The following WDR72 variants were observed in gnomAD, a reference collection of about 807,000 sequenced individuals.
The protein encoded by WDR72 is WD repeat-containing protein 72.
A neutral mutation model predicts 124.2 loss-of-function variants in WDR72; 120 were observed. The observed-to-expected ratio is 0.97, with a 90% confidence interval of 0.83 to 1.12. The LOEUF (loss-of-function observed/expected upper bound fraction) is 1.12, where lower values mean the gene tolerates loss of function less well. Among genes scored for constraint, WDR72 ranks in the 50% most tolerant of loss-of-function variants. The pLI is 0.00. For synonymous variants in WDR72, 452 were observed against 441.7 expected (o/e 1.02, Z -0.29); for missense variants, 1,387 against 1,278.8 (o/e 1.08, Z -1.29).
intron 14 of WDR72, among the ~76,000 whole-genome samples, chr15:53,622,375 C>A (rs1246858922): frequency 6.6e-6 from 1 of 151,994 alleles, no homozygotes; most frequent in East Asian, 1.9e-4. Flanking sequence ...TGGAATCAAC[C>A]CAAAAGCCCA....
chr15:53,665,773 A>G lies in WDR72; in HGVS notation c.1766-5T>C, dbSNP rs2015758361. 6.2e-7 allele frequency: 1 copy of G among 1,613,468 alleles called. No homozygotes were observed. The highest frequency in any genetic ancestry group is 8.5e-7 in the Non-Finnish European group (1 of 1,179,688). On this transcript the variant is annotated splice_polypyrimidine_tract_variant and splice_region_variant and intron_variant, in intron 13 of 19. Coordinates refer to ENST00000360509, the MANE Select transcript of WDR72 (RefSeq NM_182758.4). ...TCTCATGTCTTTCCAAAGTGCCTGGAAAACAAGATTAGAGGTAAAAATGTC... is the reference window on the plus strand; with the variant it reads ...TCTCATGTCTTTCCAAAGTGCCTGGGAAACAAGATTAGAGGTAAAAATGTC...
intron 17 of WDR72, among the ~76,000 whole-genome samples, chr15:53,599,505 T>G (rs1031315056): frequency 6.6e-6 from 1 of 152,088 alleles, no homozygotes; most frequent in Non-Finnish European, 1.5e-5. Flanking sequence ...TGACAGAAAT[T>G]AGGATAAGAG....
chr15:53,752,654 C>A (rs572107393), intron 1 of WDR72, among the ~76,000 whole-genome samples: 1 of 152,286 alleles, frequency 6.6e-6, no homozygotes, highest in South Asian at 2.1e-4. Flanking sequence ...GTAAGTCACC[C>A]AGTGGGTGGT....
At chr15:53,728,543 T>C (rs2018109925) in intron 2 of WDR72, among the ~76,000 whole-genome samples, 1 of 152,178 alleles carries the variant, frequency 6.6e-6, no homozygotes, top group African/African-American at 2.4e-5. Context: ...TTGGTAAATA[T>C]CAGGGCTGGC....
intron 18 of WDR72, among the ~76,000 whole-genome samples, chr15:53,566,922 C>A (rs1894320187): frequency 6.6e-6 from 1 of 151,908 alleles, no homozygotes; most frequent in African/African-American, 2.4e-5. Flanking sequence ...AGTCCTGGGG[C>A]AAATAGCTTT....
intron 14 of WDR72, 149 bp downstream of exon 14, chr15:53,665,423 C>G (rs988520342): frequency 3.5e-6 from 3 of 861,994 alleles, no homozygotes; most frequent in Non-Finnish European, 3.7e-6. Context: ...AAAAGTTATA[C>G]TGATTCACCC....
At chr15:53,518,296 T>C (rs2140196497) in intron 19 of WDR72, among the ~76,000 whole-genome samples, 1 of 152,206 alleles carries the variant, frequency 6.6e-6, no homozygotes, top group Admixed American at 6.6e-5. Context: ...ACCAAACTAA[T>C]TGGAACATTG....
chr15:53,521,718 T>C (rs537639072), intron 19 of WDR72, among the ~76,000 whole-genome samples: 4 of 152,026 alleles, frequency 2.6e-5, no homozygotes, highest in Non-Finnish European at 5.9e-5. Flanking sequence ...TCTATTCTTA[T>C]CAAAAACAAT....
chr15:53,586,864 A>T (rs879858063), intron 18 of WDR72, among the ~76,000 whole-genome samples: 5 of 152,056 alleles, frequency 3.3e-5, no homozygotes, highest in Non-Finnish European at 7.4e-5. Flanking sequence ...GAACTTCTTG[A>T]GTTAGTGTGA....
At chr15:53,732,272 G>T (rs2018223780) in intron 2 of WDR72, among the ~76,000 whole-genome samples, 1 of 152,150 alleles carries the variant, frequency 6.6e-6, no homozygotes, top group African/African-American at 2.4e-5. Context: ...AACTTTAAAG[G>T]CTAAAAATAG....
intron 18 of WDR72, among the ~76,000 whole-genome samples, chr15:53,534,438 T>A (rs1303471772): frequency 1.3e-5 from 2 of 152,162 alleles, no homozygotes; most frequent in Non-Finnish European, 2.9e-5. Context: ...ATTCACTGAT[T>A]TCCACTCCCT....
intron 18 of WDR72, among the ~76,000 whole-genome samples, chr15:53,594,830 C>T (rs8040311): frequency 2.0e-5 from 3 of 147,700 alleles, no homozygotes; most frequent in African/African-American, 7.5e-5. Context: ...GCACTACATG[C>T]CACTGTAATG....
chr15:53,533,815 A>G (rs1335430668), intron 18 of WDR72, among the ~76,000 whole-genome samples: 1 of 152,160 alleles, frequency 6.6e-6, no homozygotes, highest in Non-Finnish European at 1.5e-5. Flanking sequence ...TATCTCAAAT[A>G]CTTTTTATTG....
intron 17 of WDR72, among the ~76,000 whole-genome samples, chr15:53,606,152 C>A (rs779221830): frequency 2.0e-5 from 3 of 152,028 alleles, no homozygotes; most frequent in Non-Finnish European, 4.4e-5. Context: ...CCAAACATGC[C>A]CAAATGACAT....
chr15:53,682,995 G>A lies in WDR72; in HGVS notation c.1765+16755C>T, dbSNP rs78991149. Among the ~76,000 whole-genome samples the A allele has an allele frequency of 6.2e-4, 95 of 152,270 alleles. 2 individuals carry two copies. In the East Asian group the frequency reaches 0.014, roughly 22 times the overall value. On this transcript the variant is annotated intron_variant, in intron 13 of 19. Coordinates refer to ENST00000360509, the MANE Select transcript of WDR72 (RefSeq NM_182758.4). ...ACTTACAGTTATGGCAAAAGGTGAAGGGGAAACAAGGGATGCCTTACACAG... is the reference window on the plus strand; with the variant it reads ...ACTTACAGTTATGGCAAAAGGTGAAAGGGAAACAAGGGATGCCTTACACAG...
At chr15:53,634,592 G>A (rs1055992074) in intron 14 of WDR72, among the ~76,000 whole-genome samples, 1 of 152,190 alleles carries the variant, frequency 6.6e-6, no homozygotes, top group Admixed American at 6.5e-5. Context: ...CAGCCCATAG[G>A]CTGCAGGTTG....
intron 12 of WDR72, 53 bp downstream of exon 12, chr15:53,702,081 T>G: frequency 4.4e-6 from 6 of 1,361,726 alleles, no homozygotes; most frequent in Non-Finnish European, 6.1e-6. Context: ...TTAAGTATTC[T>G]ATAATTTATA....
chr15:53,748,222 G>C (rs1242086024), intron 1 of WDR72, among the ~76,000 whole-genome samples: 1 of 152,034 alleles, frequency 6.6e-6, no homozygotes, highest in Admixed American at 6.6e-5. Context: ...CAATTGTTTT[G>C]CGTGTGTATA....
At chr15:53,553,499 T>A (rs1046474170) in intron 18 of WDR72, among the ~76,000 whole-genome samples, 4 of 152,196 alleles carry the variant, frequency 2.6e-5, no homozygotes, top group Middle Eastern at 3.2e-3. Flanking sequence ...TTAAGGAGAC[T>A]CTTTCCTGAG....
Sources: gnomAD v4.1 joint callset for allele counts (sites outside exome capture counted in the v4.1 genomes callset) on GRCh38, gnomAD v4.1.1 for gene constraint, MANE v1.5 for transcripts, NCBI Gene and HGNC (gene_info 2026-07-23, HGNC 2026-07-21) for gene names.